The following POM121 variants were observed in gnomAD, a reference collection of about 807,000 sequenced individuals.
POM121 encodes the protein nuclear envelope pore membrane protein POM 121.
In POM121, 32 loss-of-function variants were observed where a neutral mutation model predicts 81.3. The observed-to-expected ratio is 0.39, with a 90% CI of 0.30 to 0.53. The LOEUF is 0.53. POM121 is among the 20% of genes least tolerant of loss of function. The pLI, the probability that POM121 is intolerant of heterozygous loss-of-function variation, is 0.66. For missense variants in POM121, 1,138 were observed against 1,614.6 expected, an observed-to-expected ratio of 0.70 and a Z score of 5.06; for synonymous variants, 514 against 694.2, an observed-to-expected ratio of 0.74 and a Z score of 4.08.
In POM121 at chr7:72,925,287, G is replaced by A. The variant is rs1468765587; in HGVS notation, c.166G>A (p.Ala56Thr). 1 of 1,534,630 alleles carries A rather than the reference G, an allele frequency of 6.5e-7. No individual in the cohort carries two copies. Among genetic ancestry groups the A allele is most frequent in the Admixed American group, 2.0e-5 (1 of 50,986 alleles). Reference protein sequence around the residue: ...LYLVPAAAALAWLTVGATAAW... With the variant: ...LYLVPAAAALTWLTVGATAAW... ...CCTCGTGCCGGCTGCGGCTGCACTG[G>A]CCTGGCTGACCGTGGGGGCTACCGC... Residue 56 changes from alanine to threonine, a missense_variant, in exon 1 of 13, where the codon GCC becomes ACC. By Grantham distance (58) the Ala-to-Thr change is moderately conservative. This residue lies in a region of POM121 where 646 missense variants were observed against 633.5 expected (regional missense o/e 1.02). Transcript: ENST00000434423.
intron 1 of POM121, among the ~76,000 whole-genome samples, chr7:72,882,321 A>G (rs1347960864): frequency 6.6e-6 from 1 of 152,220 alleles, no homozygotes; most frequent in Admixed American, 6.5e-5. Context: ...AAGAGGGAAC[A>G]TTGGGGATTA....
At chr7:72,937,233 A>G (rs1441587716) in intron 5 of POM121, among the ~76,000 whole-genome samples, 16 of 151,576 alleles carry the variant, frequency 1.1e-4, no homozygotes, top group Admixed American at 8.5e-4. Context: ...CCAGCCTGGT[A>G]ACAGAGCAAG....
chr7:72,927,006 C>G (rs1554497672), intron 3 of POM121, 43 bp downstream of exon 3: 2 of 1,613,724 alleles, frequency 1.2e-6, no homozygotes, highest in South Asian at 2.2e-5. Flanking sequence ...CGCGCTTGGA[C>G]TCCTATGGGA....
chr7:72,908,460 C>A (rs1468878919), intron 3 of POM121, among the ~76,000 whole-genome samples: 1 of 152,082 alleles, frequency 6.6e-6, no homozygotes, highest in Non-Finnish European at 1.5e-5. Context: ...ATCACAGGAC[C>A]AGGGCAAAAT....
chr7:72,881,146 C>T (rs1190612476), intron 1 of POM121, among the ~76,000 whole-genome samples: 1 of 149,576 alleles, frequency 6.7e-6, no homozygotes, highest in Non-Finnish European at 1.5e-5. Context: ...CTCACTGCAA[C>T]TTCCACCTCC....
At chr7:72,943,579 G>A (rs1287334679) in intron 11 of POM121, 57 bp downstream of exon 11, 30 of 1,568,102 alleles carry the variant, frequency 1.9e-5, no homozygotes, top group Admixed American at 7.4e-5. Flanking sequence ...CTGTGCCTGC[G>A]AAGCCTGTGG....
chr7:72,932,955 G>A (rs1362161773), intron 5 of POM121, among the ~76,000 whole-genome samples: 1 of 151,774 alleles, frequency 6.6e-6, no homozygotes, highest in Non-Finnish European at 1.5e-5. Context: ...AGGAGGCTGA[G>A]GAAGGAGAAT....
chr7:72,898,742 G>A (rs1156508989), intron 3 of POM121, among the ~76,000 whole-genome samples: 2 of 146,190 alleles, frequency 1.4e-5, no homozygotes, highest in East Asian at 4.1e-4. Flanking sequence ...AGGTTGCAGT[G>A]AGCCGAGATT....
At chr7:72,897,584 C>G (rs1392861326) in intron 3 of POM121, among the ~76,000 whole-genome samples, 1 of 152,126 alleles carries the variant, frequency 6.6e-6, no homozygotes, top group Non-Finnish European at 1.5e-5. Context: ...TCTCTCTGGC[C>G]TCTCTGTTGA....
intron 4 of POM121, among the ~76,000 whole-genome samples, chr7:72,928,914 G>T (rs554144952): frequency 3.5e-4 from 53 of 152,316 alleles, no homozygotes; most frequent in African/African-American, 9.9e-4. Flanking sequence ...TGATGTGGCC[G>T]CCAGGAAAGC....
chr7:72,920,922 A>G (rs1309846473), upstream of POM121, among the ~76,000 whole-genome samples: 1 of 152,088 alleles, frequency 6.6e-6, no homozygotes, highest in Non-Finnish European at 1.5e-5. Context: ...TCATGCCTGT[A>G]ATCCTAGCAG....
At chr7:72,879,588 A>G (rs2072300) in exon 1 of POM121, 192,108 of 288,610 alleles carry the variant, frequency 0.67, 64,403 homozygotes, top group East Asian at 0.76. Context: ...CAGAGGGGCC[A>G]GGCGGGAGGT....
At chr7:72,948,902 C>T, downstream of POM121, 2 of 1,612,424 alleles carry the variant, frequency 1.2e-6, no homozygotes, top group East Asian at 2.2e-5. Flanking sequence ...CTGAAGGCGC[C>T]CGGGTTCTGC....
chr7:72,928,524 C>G, intron 4 of POM121, 59 bp downstream of exon 4: 1 of 1,563,938 alleles, frequency 6.4e-7, no homozygotes, highest in Non-Finnish European at 8.8e-7. Context: ...CTGATCAGAG[C>G]TGTTGCCCTA....
intron 12 of POM121, 87 bp from the exon 13 acceptor site, chr7:72,946,050 C>T: frequency 6.5e-7 from 1 of 1,541,728 alleles, no homozygotes; most frequent in Non-Finnish European, 8.7e-7. Context: ...TGTTTTATTA[C>T]TGGCCTGGCC....
rs1418910199 is a variant in POM121, at chr7:72,938,495, A to G, written c.1276-95A>G. 24 of 1,369,524 alleles carry G rather than the reference A, an allele frequency of 1.8e-5. No individual in the cohort carries two copies. In the African/African-American group the frequency reaches 3.0e-4, roughly 17 times the overall value. 84.8% of individuals were successfully genotyped at this position (1,369,524 alleles called of 1,614,324 possible). On this transcript the variant is annotated intron_variant, in intron 5 of 12. Transcript: ENST00000434423. ...CATGACTAACCATTTAACCATAAAG[A>G]ATGTTTTTTTAGTCACTTGAAAAGA...
chr7:72,950,210 A>C, downstream of POM121: 1 of 1,608,468 alleles, frequency 6.2e-7, no homozygotes. Context: ...CCAGGGAAGA[A>C]CCATTCATTC....
At chr7:72,941,560 C>T (rs1266066767) in intron 10 of POM121, among the ~76,000 whole-genome samples, 8 of 149,594 alleles carry the variant, frequency 5.3e-5, no homozygotes, top group African/African-American at 1.2e-4. Flanking sequence ...TAGATTCATA[C>T]GTGAACTTCA....
At chr7:72,912,908 C>T (rs1446593567) in intron 3 of POM121, among the ~76,000 whole-genome samples, 2 of 152,178 alleles carry the variant, frequency 1.3e-5, no homozygotes, top group African/African-American at 4.8e-5. Context: ...TGGTACATGC[C>T]TACAGCCATG....
Sources: gnomAD v4.1 joint callset for allele counts (sites outside exome capture counted in the v4.1 genomes callset) on GRCh38, gnomAD v4.1.1 for gene constraint, gnomAD v4.1.1 regional missense constraint, MANE v1.5 for transcripts, NCBI Gene and HGNC (gene_info 2026-07-23, HGNC 2026-07-21) for gene names.